GPC6: variants seen among roughly 807,000 people sequenced by gnomAD.
GPC6 encodes the protein glypican-6.
In GPC6, 14 loss-of-function variants were observed where a neutral mutation model predicts 55.2. That is an observed-to-expected ratio of 0.25 (90% CI 0.17 to 0.40). The LOEUF is 0.40. GPC6 is among the 10% of genes least tolerant of loss of function. The pLI is 1.00. For synonymous variants in GPC6, 278 were observed against 259.6 expected (o/e 1.07, Z -0.68); for missense variants, 641 against 708.5 (o/e 0.90, Z 1.08).
At chr13:93,453,595 C>A (rs901264193) in intron 1 of GPC6, among the ~76,000 whole-genome samples, 5 of 123,480 alleles carry the variant, frequency 4.0e-5, no homozygotes, top group Non-Finnish European at 5.6e-5. Context: ...TTTGTTCCTT[C>A]TGATGTTCGG....
chr13:93,270,121 G>A (rs1336818537), intron 1 of GPC6, among the ~76,000 whole-genome samples: 1 of 151,576 alleles, frequency 6.6e-6, no homozygotes, highest in African/African-American at 2.4e-5. Context: ...ATGGTGGCAT[G>A]AGCCTGGAGT....
chr13:93,268,590 A>G (rs1776568306), intron 1 of GPC6, among the ~76,000 whole-genome samples: 1 of 152,058 alleles, frequency 6.6e-6, no homozygotes, highest in African/African-American at 2.4e-5. Context: ...GAATTTAGGA[A>G]AGAGAGTAGT....
intron 4 of GPC6, among the ~76,000 whole-genome samples, chr13:94,081,415 T>C (rs1231190956): frequency 1.3e-5 from 2 of 152,230 alleles, no homozygotes; most frequent in Non-Finnish European, 2.9e-5. Context: ...TTAATGTCTC[T>C]CTTTACCACA....
chr13:94,164,798 T>C (rs1888294019), intron 4 of GPC6, among the ~76,000 whole-genome samples: 1 of 149,242 alleles, frequency 6.7e-6, no homozygotes, highest in Admixed American at 6.7e-5. Context: ...AATAAATTGA[T>C]TTTTTTTTTA....
chr13:94,407,468 G>C lies in GPC6; in HGVS notation c.*4251G>C, dbSNP rs1051094246. The C allele has an allele frequency of 6.6e-5, 10 of 151,926 alleles. No individual in the cohort carries two copies. Among genetic ancestry groups the C allele is most frequent in the Admixed American group, 5.9e-4 (9 of 15,254 alleles). 9.4% of individuals were successfully genotyped at this position (151,926 alleles called of 1,614,324 possible). A position where few individuals can be genotyped will look rare whatever the true frequency, so the allele number is the denominator to read the frequency against. ...AAATTTCAGAGCCATGGAATTTTTTGTGTTTGAGACATTTTTAGAAGCTTC... is the reference window on the plus strand; with the variant it reads ...AAATTTCAGAGCCATGGAATTTTTTCTGTTTGAGACATTTTTAGAAGCTTC... On this transcript the variant is annotated 3_prime_UTR_variant, in exon 9 of 9. Transcript: ENST00000377047.
intron 2 of GPC6, among the ~76,000 whole-genome samples, chr13:93,776,049 CTTTG>C (rs1479412706): frequency 8.9e-5 from 2 of 22,390 alleles, no homozygotes; most frequent in Non-Finnish European, 1.8e-4. Context: ...GTCTTTTTTT[CTTTG>C]TTTCTTTCTT....
chr13:94,040,536 A>G (rs1292404133), intron 4 of GPC6, among the ~76,000 whole-genome samples: 1 of 151,866 alleles, frequency 6.6e-6, no homozygotes, highest in Non-Finnish European at 1.5e-5. Context: ...TGCTTAGCCC[A>G]TTAAAGGTGA....
At chr13:93,488,633 T>A (rs1458155993) in intron 1 of GPC6, among the ~76,000 whole-genome samples, 1 of 152,186 alleles carries the variant, frequency 6.6e-6, no homozygotes, top group Non-Finnish European at 1.5e-5. Context: ...CAGCACCTGT[T>A]GTTTCCTGAC....
intron 1 of GPC6, among the ~76,000 whole-genome samples, chr13:93,316,590 G>A (rs1879257816): frequency 6.6e-6 from 1 of 152,032 alleles, no homozygotes; most frequent in South Asian, 2.1e-4. Flanking sequence ...TTGGAAAACA[G>A]CAGCTTTTAA....
At chr13:94,075,507 T>A (rs749786774) in intron 4 of GPC6, among the ~76,000 whole-genome samples, 1 of 152,100 alleles carries the variant, frequency 6.6e-6, no homozygotes, top group Non-Finnish European at 1.5e-5. Flanking sequence ...AAGTGCACAT[T>A]ACCATACTGT....
At chr13:94,352,326 A>G (rs1878592580) in intron 6 of GPC6, among the ~76,000 whole-genome samples, 1 of 151,330 alleles carries the variant, frequency 6.6e-6, no homozygotes. Flanking sequence ...ATGGGGCTGC[A>G]TGTCTTCTCT....
chr13:93,587,837 G>A (rs1877277048), intron 2 of GPC6, among the ~76,000 whole-genome samples: 1 of 152,262 alleles, frequency 6.6e-6, no homozygotes. Context: ...CTGATTAGGA[G>A]TTTAGGGAAC....
At chr13:93,880,955 G>T (rs1015191630) in intron 3 of GPC6, among the ~76,000 whole-genome samples, 2 of 150,746 alleles carry the variant, frequency 1.3e-5, no homozygotes, top group African/African-American at 2.4e-5. Context: ...ATTTCAAAAA[G>T]GAAGAGGTCA....
Position 93,482,787 on chromosome 13 carries a change from A to G in GPC6, c.161-62476A>G, listed in dbSNP as rs137919535. Among the ~76,000 whole-genome samples the G allele has an allele frequency of 3.0e-3, 464 of 152,306 alleles. 2 individuals are homozygous for G. The highest frequency in any genetic ancestry group is 0.01 in the African/African-American group (416 of 41,576). ...TAGACCCCAAATTGAGATGTATGAA[A>G]CAAAGAGTTGTGTAGCAAGTACGTT... is the stretch of plus-strand genomic sequence containing the variant. On this transcript the variant is annotated intron_variant, in intron 1 of 8. Coordinates refer to ENST00000377047, the MANE Select transcript of GPC6 (RefSeq NM_005708.5).
intron 1 of GPC6, among the ~76,000 whole-genome samples, chr13:93,368,626 T>C (rs1322607233): frequency 6.6e-6 from 1 of 151,930 alleles, no homozygotes; most frequent in Non-Finnish European, 1.5e-5. Flanking sequence ...ATCATTCTTA[T>C]TCTCCAGACA....
chr13:93,595,715 C>G (rs1162705511), intron 2 of GPC6, among the ~76,000 whole-genome samples: 1 of 152,130 alleles, frequency 6.6e-6, no homozygotes, highest in Non-Finnish European at 1.5e-5. Flanking sequence ...AAACTGTGAA[C>G]ATAATATCCT....
intron 4 of GPC6, among the ~76,000 whole-genome samples, chr13:94,284,081 C>T (rs1892461622): frequency 6.6e-6 from 1 of 152,168 alleles, no homozygotes; most frequent in Non-Finnish European, 1.5e-5. Context: ...TCCTAAAACC[C>T]AGGGAGCTTG....
At position 93,378,393 on chromosome 13, in the gene GPC6, G is replaced by A. The variant is rs530211962; in HGVS notation, c.160+150777G>A. ...TGTTGTTCTTCCTCCAGCACTGGTT[G>A]GCCTTTGCTCTGCTCCATCTGGAAA... On this transcript the variant is annotated intron_variant, in intron 1 of 8. Coordinates refer to ENST00000377047, the MANE Select transcript of GPC6 (RefSeq NM_005708.5). Among the ~76,000 whole-genome samples the A allele has an allele frequency of 1.2e-4, 18 of 152,184 alleles. No homozygotes were observed. In the East Asian group the frequency reaches 3.5e-3, roughly 29 times the overall value.
chr13:94,084,794 CT>C (rs923373400), intron 4 of GPC6, among the ~76,000 whole-genome samples: 55 of 152,120 alleles, frequency 3.6e-4, no homozygotes, highest in African/African-American at 1.3e-3. Context: ...AAATATTACA[CT>C]TTTTGTGCAG....
Sources: gnomAD v4.1 joint callset for allele counts (sites outside exome capture counted in the v4.1 genomes callset) on GRCh38, gnomAD v4.1.1 for gene constraint, MANE v1.5 for transcripts, NCBI Gene and HGNC (gene_info 2026-07-23, HGNC 2026-07-21) for gene names.